DNM1L: variants seen among roughly 807,000 people sequenced by gnomAD.
The protein encoded by DNM1L is dynamin 1L, also known as dynamin-1-like protein.
A neutral mutation model predicts 92.8 loss-of-function variants in DNM1L; 33 were observed. The ratio of observed to expected loss-of-function variants is 0.36; its 90% confidence interval spans 0.27 to 0.48. DNM1L has a LOEUF of 0.48. Ranked by LOEUF, DNM1L falls within the 20% of genes least tolerant of loss-of-function variation. The probability of loss-of-function intolerance (pLI) is 0.99; values close to 1 mark genes in which losing one functional copy is unlikely to be tolerated. For synonymous variants in DNM1L, 284 were observed against 305.0 expected (o/e 0.93, Z 0.72); for missense variants, 485 against 888.8 (o/e 0.55, Z 5.78).
At chr12:32,684,082 A>G (rs1269707097) in intron 1 of DNM1L, among the ~76,000 whole-genome samples, 3 of 152,232 alleles carry the variant, frequency 2.0e-5, no homozygotes, top group African/African-American at 7.2e-5. Context: ...AAGTATACAC[A>G]ACTCAGCAGC....
chr12:32,684,271 A>G (rs915905616), intron 1 of DNM1L, among the ~76,000 whole-genome samples: 1 of 152,226 alleles, frequency 6.6e-6, no homozygotes, highest in Non-Finnish European at 1.5e-5. Context: ...TCTGATACAG[A>G]TGGTTCCTAG....
chr12:32,705,098 G>A (rs1351688369), intron 2 of DNM1L, among the ~76,000 whole-genome samples: 1 of 151,128 alleles, frequency 6.6e-6, no homozygotes, highest in South Asian at 2.1e-4. Flanking sequence ...AACCTCCTGG[G>A]TTCAAGCAAT....
At chr12:32,697,581 C>T (rs1355707984) in intron 1 of DNM1L, among the ~76,000 whole-genome samples, 1 of 152,056 alleles carries the variant, frequency 6.6e-6, no homozygotes, top group Admixed American at 6.6e-5. Flanking sequence ...AATTCTGTCA[C>T]AAACTGTCAT....
At chr12:32,699,882 A>G (rs1001061524) in intron 1 of DNM1L, among the ~76,000 whole-genome samples, 3 of 151,396 alleles carry the variant, frequency 2.0e-5, no homozygotes, top group Non-Finnish European at 2.9e-5. Context: ...TCTTGGAAGT[A>G]TAGCTTGATT....
At position 32,726,324 on chromosome 12, in the gene DNM1L, A is replaced by C. The variant is rs575949740; in HGVS notation, c.1079+3691A>C. 1.2e-4 allele frequency: 166 copies of C among 1,380,786 alleles called. 1 individual carries two copies. The South Asian group carries it at 1.9e-3, about 16-fold the overall frequency. The allele number at this position is 1,380,786 out of a possible 1,614,324, so 85.5% of individuals were successfully genotyped here. A position where few individuals can be genotyped will look rare whatever the true frequency, so the allele number is the denominator to read the frequency against. On this transcript the variant is annotated intron_variant, in intron 9 of 19. Coordinates refer to ENST00000549701, the MANE Select transcript of DNM1L (RefSeq NM_012062.5). ...ACAAAAACATAAGGCAGTAAGTAAG[A>C]ATTGTGTTTAGGCTAGGACAGTGCA...
chr12:32,729,515 G>A (rs968654960), intron 9 of DNM1L, among the ~76,000 whole-genome samples: 11 of 152,050 alleles, frequency 7.2e-5, no homozygotes. Flanking sequence ...GAATGCAGTG[G>A]CACAGTTTGG....
chr12:32,716,700 T>TTA (rs1487555600), intron 6 of DNM1L, among the ~76,000 whole-genome samples: 1 of 147,600 alleles, frequency 6.8e-6, no homozygotes, highest in Non-Finnish European at 1.5e-5. Flanking sequence ...AAAATCTATT[T>TTA]TATATATATA....
intron 9 of DNM1L, among the ~76,000 whole-genome samples, chr12:32,724,593 AATATATATATAT>A (rs869170631): frequency 1.5e-5 from 1 of 66,692 alleles, no homozygotes; most frequent in South Asian, 4.8e-4. Flanking sequence ...AAAAAAAAAA[AATATATATATAT>A]ATATATATAT....
intron 1 of DNM1L, among the ~76,000 whole-genome samples, chr12:32,695,825 G>A (rs892828407): frequency 1.3e-5 from 2 of 152,102 alleles, no homozygotes; most frequent in Non-Finnish European, 2.9e-5. Context: ...TTTTAGAAAT[G>A]AAGACAAATT....
intron 1 of DNM1L, among the ~76,000 whole-genome samples, chr12:32,685,336 A>G (rs1951964192): frequency 1.3e-5 from 2 of 148,314 alleles, no homozygotes; most frequent in South Asian, 4.2e-4. Context: ...AAACTACCAA[A>G]GTGTTTTCCA....
rs2137446146 is a variant in DNM1L at position 32,722,627 on chromosome 12, C to T, written c.1073C>T (p.Ser358Leu). ...IEGTAKYIET[S>L]ELCGGARICY... The stretch of plus-strand genomic sequence containing the variant: ...GGAACTGCAAAATATATTGAAACTT[C>T]GGAGCTGTAAGTAAGAAATTTTTCT... The change falls in exon 9 of 20, where the codon TCG (serine) becomes TTG (leucine). Residue 358 changes from serine to leucine, a missense_variant. Physicochemically the swap from Ser to Leu is moderately radical, Grantham distance 145. Around this residue, in one of 11 missense-constraint regions of DNM1L, gnomAD observed 40 missense variants for 128.7 expected, o/e 0.31. Coordinates refer to ENST00000549701, the MANE Select transcript of DNM1L (RefSeq NM_012062.5). 1 of 1,611,570 alleles carries T rather than the reference C, an allele frequency of 6.2e-7. No individual in the cohort carries two copies. Among genetic ancestry groups the T allele is most frequent in the Non-Finnish European group, 8.5e-7 (1 of 1,179,612 alleles).
At chr12:32,700,126 A>G (rs188194705) in intron 1 of DNM1L, among the ~76,000 whole-genome samples, 51 of 149,314 alleles carry the variant, frequency 3.4e-4, no homozygotes, top group African/African-American at 1.2e-3. Flanking sequence ...TGTTTTAGCT[A>G]TTTCTTTTTT....
intron 18 of DNM1L, among the ~76,000 whole-genome samples, chr12:32,741,732 G>A (rs1211278617): frequency 6.6e-6 from 1 of 152,156 alleles, no homozygotes; most frequent in Non-Finnish European, 1.5e-5. Flanking sequence ...CCTATGTTTA[G>A]ATACACAAAT....
chr12:32,732,813 A>T (rs1954636766), intron 12 of DNM1L, among the ~76,000 whole-genome samples: 1 of 151,984 alleles, frequency 6.6e-6, no homozygotes, highest in Non-Finnish European at 1.5e-5. Context: ...TCTCTGTAAG[A>T]CTCAGTGGTG....
intron 13 of DNM1L, chr12:32,736,796 T>C: frequency 2.8e-6 from 1 of 362,494 alleles, no homozygotes; most frequent in East Asian, 5.8e-5. Context: ...CATCACTGTT[T>C]CTTAGTGGGA....
intron 1 of DNM1L, chr12:32,692,941 G>A (rs1952289627): frequency 6.6e-6 from 1 of 152,162 alleles, no homozygotes; most frequent in South Asian, 2.1e-4. Context: ...TCCATTATAG[G>A]AATATATCCT....
intron 9 of DNM1L, chr12:32,726,425 A>G (rs140461131): frequency 7.1e-4 from 1,047 of 1,483,594 alleles, no homozygotes; most frequent in Non-Finnish European, 9.3e-4. Context: ...TCTTCGGGTC[A>G]TAGTCTGGAT....
At chr12:32,685,582 C>G (rs548780212) in intron 1 of DNM1L, among the ~76,000 whole-genome samples, 1 of 151,696 alleles carries the variant, frequency 6.6e-6, no homozygotes, top group African/African-American at 2.4e-5. Context: ...AGGCTGGTCT[C>G]GAACTCCTGA....
intron 1 of DNM1L, among the ~76,000 whole-genome samples, chr12:32,681,606 C>T (rs1270787475): frequency 6.7e-6 from 1 of 148,750 alleles, no homozygotes; most frequent in Non-Finnish European, 1.5e-5. Context: ...GCCCCCCCGC[C>T]CCCGCCTTTT....
Sources: allele counts gnomAD v4.1 joint callset (sites outside exome capture counted in the v4.1 genomes callset), GRCh38; gene constraint gnomAD v4.1.1; regional missense constraint gnomAD v4.1.1; transcripts MANE v1.5; gene names NCBI Gene and HGNC (gene_info 2026-07-23, HGNC 2026-07-21).